ODAD3: variants seen among roughly 807,000 people sequenced by gnomAD.
ODAD3 encodes outer dynein arm-docking complex subunit 3.
Under a neutral mutation model 70.9 loss-of-function variants are expected in ODAD3, and 57 were observed. That is an observed-to-expected ratio of 0.80 (90% confidence interval 0.65 to 1.00). The LOEUF (loss-of-function observed/expected upper bound fraction) is 1.00, where lower values mean the gene tolerates loss of function less well. Among genes scored for constraint, ODAD3 ranks in the 50% least tolerant of loss-of-function variants. ODAD3 has a pLI of 0.00. For synonymous variants in ODAD3, 327 were observed against 315.9 expected, an observed-to-expected ratio of 1.04 and a Z score of -0.37; for missense variants, 797 against 763.9, an observed-to-expected ratio of 1.04 and a Z score of -0.51.
Position 11,423,865 on chromosome 19 carries a change from G to A in ODAD3, c.1116+12C>T, listed in dbSNP as rs1568347511. 2 of 1,602,188 alleles carry A rather than the reference G, an allele frequency of 1.2e-6. No individual in the cohort carries two copies. Among genetic ancestry groups the A allele is most frequent in the South Asian group, 2.2e-5 (2 of 90,776 alleles). ...GGGGGGCGCGGCGGAGAGGGCTGCG[G>A]GCAGAACTCACGTGCGTCTCGTCAG... On this transcript the variant is annotated intron_variant, in intron 8 of 12. Coordinates refer to ENST00000356392, the MANE Select transcript of ODAD3 (RefSeq NM_145045.5).
chr19:11,421,924 C>T, intron 10 of ODAD3, 92 bp from the exon 11 acceptor site: 1 of 1,454,340 alleles, frequency 6.9e-7, no homozygotes, highest in Non-Finnish European at 9.2e-7. Context: ...GGGGGCGGGG[C>T]CTAGGAGGTA....
chr19:11,432,313 A>G (rs1490041330), intron 1 of ODAD3, among the ~76,000 whole-genome samples: 1 of 152,112 alleles, frequency 6.6e-6, no homozygotes, highest in East Asian at 1.9e-4. Flanking sequence ...CAGTGGTGCT[A>G]TCACTGCTCA....
chr19:11,426,840 AC>A (rs1457827211), intron 4 of ODAD3, 32 bp downstream of exon 4: 1 of 1,610,066 alleles, frequency 6.2e-7, no homozygotes, highest in Admixed American at 1.7e-5. Flanking sequence ...CTCCCACACG[AC>A]CCTCTGCCCT....
intron 7 of ODAD3, among the ~76,000 whole-genome samples, chr19:11,425,204 T>G (rs945465046): frequency 7.1e-6 from 1 of 140,498 alleles, no homozygotes; most frequent in Non-Finnish European, 1.5e-5. Flanking sequence ...TATGTGTATG[T>G]GTACATATGT....
upstream of ODAD3, chr19:11,435,615 G>A (rs1057359553): frequency 3.6e-6 from 4 of 1,113,444 alleles, no homozygotes; most frequent in African/African-American, 3.2e-5. Flanking sequence ...GAAGTGACGG[G>A]GTCCAGAAAT....
Position 11,426,779 on chromosome 19 carries a change from C to G in ODAD3, c.618G>C (p.Met206Ile). 6.2e-7 allele frequency: 1 copy of G among 1,613,948 alleles called. No homozygotes were observed. Among genetic ancestry groups the G allele is most frequent in the South Asian group, 1.1e-5 (1 of 91,088 alleles). Residue 206 changes from methionine to isoleucine, a missense_variant, in exon 5 of 13, where the codon ATG (methionine) becomes ATC (isoleucine). Physicochemically the swap from Met to Ile is conservative, Grantham distance 10 (BLOSUM62 1). Transcript: ENST00000356392. ...QNRHTEVAKT[M>I]RNLENRLEKA... ...TCTCCAGGCGGTTCTCCAGGTTCCG[C>G]ATGGTCTGGAGAGCAGCAGGGCTGG...
At chr19:11,432,175 C>T (rs1969517296) in intron 1 of ODAD3, among the ~76,000 whole-genome samples, 1 of 152,140 alleles carries the variant, frequency 6.6e-6, no homozygotes. Flanking sequence ...CCACAGTCAG[C>T]CCTGTGGAAC....
intron 7 of ODAD3, among the ~76,000 whole-genome samples, chr19:11,424,262 A>T (rs1969210831): frequency 1.3e-5 from 2 of 152,054 alleles, no homozygotes; most frequent in South Asian, 4.1e-4. Flanking sequence ...CCAGTACTTT[A>T]GGAGGCTGAG....
chr19:11,421,293 C>T (rs765693106), intron 11 of ODAD3, 81 bp from the exon 12 acceptor site: 203 of 1,314,452 alleles, frequency 1.5e-4, no homozygotes, highest in Non-Finnish European at 2.1e-4. Flanking sequence ...TCCTCCCTAC[C>T]CCATTCCGAG....
At position 11,421,531 on chromosome 19, in the gene ODAD3, C is replaced by G. The variant is rs1266126739; in HGVS notation, c.1590+146G>C. On this transcript the variant is annotated intron_variant, in intron 11 of 12. Coordinates refer to ENST00000356392, the MANE Select transcript of ODAD3 (RefSeq NM_145045.5). The stretch of plus-strand genomic sequence containing the variant: ...TCGTGGCTCGGGCTCACCCCTGGCT[C>G]GTCAAACCTCGCCCGTTGTCCCCGA... 3.6e-6 allele frequency: 4 copies of G among 1,123,780 alleles called. No homozygotes were observed. In the African/African-American group the frequency reaches 4.7e-5, roughly 13 times the overall value. The allele number at this position is 1,123,780 out of a possible 1,614,324, so 69.6% of individuals were successfully genotyped here.
upstream of ODAD3, chr19:11,435,542 C>G (rs980677168): frequency 6.3e-5 from 34 of 543,936 alleles, 1 homozygote; most frequent in Middle Eastern, 1.3e-3. Flanking sequence ...GCACCGCCCC[C>G]ACTCCTGCCT....
At position 11,430,946 on chromosome 19, in the gene ODAD3, G is replaced by T; in HGVS notation, c.319C>A (p.Arg107Ser). ...AGTTCCAGTGCCTTAGTCTCCTTGC[G>T]GAGCTGACTGATGGTCTCCTGGTTC... is the stretch of plus-strand genomic sequence containing the variant. ...KKNQETISQL[R>S]KETKALELKL... The change falls in exon 2 of 13, where the codon CGC becomes AGC. Residue 107 changes from arginine (R) to serine (S), a missense_variant. By Grantham distance (110) the Arg-to-Ser change is moderately radical. Coordinates refer to ENST00000356392, the MANE Select transcript of ODAD3 (RefSeq NM_145045.5). The T allele has an allele frequency of 6.2e-7, 1 of 1,613,960 alleles. No homozygotes were observed. The highest frequency in any genetic ancestry group is 8.5e-7 in the Non-Finnish European group (1 of 1,180,006).
chr19:11,425,450 C>CATATGTGTGTGTATATATGT lies in ODAD3; in HGVS notation c.963+693_963+694insACATATATACACACACATAT, dbSNP rs1599459697. Among the ~76,000 whole-genome samples, 39 of 102,024 alleles carry CATATGTGTGTGTATATATGT rather than the reference C, an allele frequency of 3.8e-4. 2 individuals carry two copies. The highest frequency in any genetic ancestry group is 1.3e-3 in the African/African-American group (29 of 22,868). 66.9% of individuals were successfully genotyped at this position (102,024 alleles called of 152,430 possible). A position where few individuals can be genotyped will look rare whatever the true frequency, so the allele number is the denominator to read the frequency against. The stretch of plus-strand genomic sequence containing the variant: ...ACACATATGTGTATATGTATATATA[C>CATATGTGTGTGTATATATGT]ATATATGTGTGTGTATATATGTATA... On this transcript the variant is annotated intron_variant, in intron 7 of 12. Coordinates refer to ENST00000356392, the MANE Select transcript of ODAD3 (RefSeq NM_145045.5).
At position 11,427,027 on chromosome 19, in the gene ODAD3, A is replaced by C. The variant is rs893580765; in HGVS notation, c.458T>G (p.Leu153Arg). The change falls in exon 4 of 13, where the codon CTA becomes CGA. Residue 153 changes from leucine (L) to arginine (R), a missense_variant. Leu to Arg is a moderately radical substitution (Grantham distance 102, BLOSUM62 -2). Coordinates refer to ENST00000356392, the MANE Select transcript of ODAD3 (RefSeq NM_145045.5). ...KNRTGQALEH[L>R]DHRLREKVKQ... ...CACCTTCTCCCTCAGCCGGTGGTCT[A>C]GGTGCTCCAGGGCCTGCCGCAAGGA... 3.8e-6 allele frequency: 6 copies of C among 1,588,970 alleles called. No homozygotes were observed. The Admixed American group carries it at 1.0e-4, about 27-fold the overall frequency.
At chr19:11,428,305 G>A (rs1014116377) in intron 3 of ODAD3, among the ~76,000 whole-genome samples, 2 of 151,000 alleles carry the variant, frequency 1.3e-5, no homozygotes, top group African/African-American at 2.4e-5. Flanking sequence ...GCAGTGGCTC[G>A]ATCTTGGCTC....
At chr19:11,421,019 T>C in intron 12 of ODAD3, 72 bp from the exon 13 acceptor site, 2 of 1,582,964 alleles carry the variant, frequency 1.3e-6, no homozygotes, top group Non-Finnish European at 1.7e-6. Context: ...CCCTTCCCTT[T>C]ACCACCCCAC....
chr19:11,428,049 A>G (rs896963726), intron 3 of ODAD3, among the ~76,000 whole-genome samples: 1 of 146,708 alleles, frequency 6.8e-6, no homozygotes, highest in African/African-American at 2.5e-5. Flanking sequence ...GCAGTGAGCC[A>G]AGATCGTGCC....
At chr19:11,421,915 GGGGCGGGGCCTAGGAGGTAA>G in intron 10 of ODAD3, 83 bp from the exon 11 acceptor site, 1 of 1,492,682 alleles carries the variant, frequency 6.7e-7, no homozygotes, top group Non-Finnish European at 9.0e-7. Flanking sequence ...TTTTCTTTCG[GGGGCGGGGCCTAGGAGGTAA>G]GGGCCCACCT....
chr19:11,424,987 G>GTGTGTATATGTATATATGTGTATATA (rs1969252318), intron 7 of ODAD3, among the ~76,000 whole-genome samples: 1 of 121,738 alleles, frequency 8.2e-6, no homozygotes, highest in Non-Finnish European at 1.7e-5. Flanking sequence ...ATGTGTATAT[G>GTGTGTATATGTATATATGTGTATATA]TACATATGTG....
Sources: gnomAD v4.1 joint callset for allele counts (sites outside exome capture counted in the v4.1 genomes callset) on GRCh38, gnomAD v4.1.1 for gene constraint, MANE v1.5 for transcripts, NCBI Gene and HGNC (gene_info 2026-07-23, HGNC 2026-07-21) for gene names.